The following GPC3 variants were observed in gnomAD, a reference collection of about 807,000 sequenced individuals.
GPC3 encodes glypican-3.
GPC3 carries 3 observed loss-of-function variants against 34.4 expected under a neutral mutation model. The observed-to-expected ratio is 0.09, with a 90% CI of 0.04 to 0.23. The LOEUF (loss-of-function observed/expected upper bound fraction) is 0.23, where lower values mean the gene tolerates loss of function less well. Ranked by LOEUF, GPC3 falls within the 10% of genes least tolerant of loss-of-function variation. The pLI, the probability that GPC3 is intolerant of heterozygous loss-of-function variation, is 1.00. For missense variants in GPC3, 351 were observed against 445.6 expected (o/e 0.79, Z 1.91); for synonymous variants, 177 against 174.0 (o/e 1.02, Z -0.13).
At chrX:133,797,491 C>T (rs953235935) in intron 2 of GPC3, among the ~76,000 whole-genome samples, 1 of 110,905 alleles carries the variant, frequency 9.0e-6, no homozygotes, top group East Asian at 2.8e-4. Context: ...CCCTGAGATT[C>T]CTTAAAGACT....
At chrX:133,699,284 T>C (rs930217884) in intron 4 of GPC3, among the ~76,000 whole-genome samples, 2 of 111,812 alleles carry the variant, frequency 1.8e-5, no homozygotes, top group African/African-American at 6.5e-5. Flanking sequence ...GCACTTCTTC[T>C]AGAATTGTAT....
intron 7 of GPC3, among the ~76,000 whole-genome samples, chrX:133,579,460 T>C (rs1032516964): frequency 7.1e-5 from 8 of 112,960 alleles, no homozygotes; most frequent in African/African-American, 2.6e-4. Flanking sequence ...TGTTGGTAAA[T>C]GCTTGAAGCA....
rs184991163 is a variant in GPC3, at chrX:133,921,686, A to T, written c.337+31364T>A. On this transcript the variant is annotated intron_variant, in intron 2 of 7. Coordinates refer to ENST00000370818, the MANE Select transcript of GPC3 (RefSeq NM_004484.4). ...GTCCAATTCTAGCTTTTGAGCCTTG[A>T]TTTTTTCAACCTTGACTTGAACTTT... Among the ~76,000 whole-genome samples, 550 of 111,961 alleles carry T rather than the reference A, an allele frequency of 4.9e-3. 4 individuals carry two copies. Among genetic ancestry groups the T allele is most frequent in the African/African-American group, 0.017 (521 of 30,846 alleles).
At chrX:133,953,378 C>A (rs1326205250) in intron 1 of GPC3, among the ~76,000 whole-genome samples, 167 bp from the exon 2 acceptor site, 2 of 108,688 alleles carry the variant, frequency 1.8e-5, no homozygotes, top group Middle Eastern at 4.6e-3. Flanking sequence ...AATTACGTTT[C>A]ATCTTAACTA....
intron 2 of GPC3, among the ~76,000 whole-genome samples, chrX:133,946,285 G>A (rs2124631181): frequency 8.9e-6 from 1 of 111,861 alleles, no homozygotes; most frequent in African/African-American, 3.3e-5. Flanking sequence ...CTATGGAGCT[G>A]TACTTCCTGC....
rs548706479 is a variant in GPC3, at chrX:133,645,454, A to G, written c.1413+16276T>C. 4.9e-4 allele frequency among the ~76,000 whole-genome samples: 55 copies of G among 112,223 alleles called. No individual in the cohort carries two copies. In the South Asian group the frequency reaches 0.012, roughly 24 times the overall value. On this transcript the variant is annotated intron_variant, in intron 6 of 7. Transcript: ENST00000370818. ...CCTGAATTGAACACTCTGGCGAGAA[A>G]CCAACTTTCTCAGGAAGAAGGAGAT...
At chrX:133,768,635 G>A (rs1232893105) in intron 2 of GPC3, among the ~76,000 whole-genome samples, 2 of 111,848 alleles carry the variant, frequency 1.8e-5, no homozygotes, top group Admixed American at 9.5e-5. Flanking sequence ...CTTGACAGAT[G>A]AATGGACAAA....
chrX:133,846,766 T>G (rs927953356), intron 2 of GPC3, among the ~76,000 whole-genome samples: 1 of 112,160 alleles, frequency 8.9e-6, no homozygotes, highest in Non-Finnish European at 1.9e-5. Flanking sequence ...AATAAATGCA[T>G]ACTATATTGT....
At chrX:133,913,701 C>A (rs915511645) in intron 2 of GPC3, among the ~76,000 whole-genome samples, 4 of 111,590 alleles carry the variant, frequency 3.6e-5, no homozygotes, top group Non-Finnish European at 7.5e-5. Context: ...GGGAGGCCAA[C>A]CTTGGTTGTT....
chrX:133,737,424 T>C (rs777635215), intron 3 of GPC3, among the ~76,000 whole-genome samples: 6 of 112,123 alleles, frequency 5.4e-5, no homozygotes, highest in Non-Finnish European at 1.1e-4. Flanking sequence ...GTGAGGGATA[T>C]TGCTAGTGAG....
rs1354288303 is a variant in GPC3 at position 133,808,724 on chromosome X, A to G, written c.338-54548T>C. On this transcript the variant is annotated intron_variant, in intron 2 of 7. Transcript: ENST00000370818. ...GAGAATTAAATGAGATAATGTATTTAAAGTGCCCAGGACATGAGTATTTAA... is the reference window on the plus strand; with the variant it reads ...GAGAATTAAATGAGATAATGTATTTGAAGTGCCCAGGACATGAGTATTTAA... Among the ~76,000 whole-genome samples, 19 of 106,291 alleles carry G rather than the reference A, an allele frequency of 1.8e-4. No homozygotes were observed. In the Admixed American group the frequency reaches 1.9e-3, roughly 10 times the overall value. 92.3% of individuals were successfully genotyped at this position (106,291 alleles called of 115,157 possible). A position where few individuals can be genotyped will look rare whatever the true frequency, so the allele number is the denominator to read the frequency against.
intron 2 of GPC3, among the ~76,000 whole-genome samples, chrX:133,866,478 T>C (rs1328355109): frequency 8.9e-6 from 1 of 112,073 alleles, no homozygotes; most frequent in Non-Finnish European, 1.9e-5. Context: ...ATAACACTTC[T>C]TTTTATGACT....
At chrX:133,982,565 T>A (rs2076545726) in intron 1 of GPC3, among the ~76,000 whole-genome samples, 1 of 112,174 alleles carries the variant, frequency 8.9e-6, no homozygotes, top group Non-Finnish European at 1.9e-5. Context: ...TGCCATTTAG[T>A]CTCATCCATA....
intron 5 of GPC3, chrX:133,670,894 G>A (rs1453540186): frequency 3.0e-6 from 1 of 332,396 alleles, no homozygotes; most frequent in African/African-American, 2.6e-5. Context: ...GAAACAATTA[G>A]CTTCTTCTTT....
chrX:133,678,507 T>C (rs752829259), intron 5 of GPC3, among the ~76,000 whole-genome samples: 12 of 111,787 alleles, frequency 1.1e-4, no homozygotes, highest in South Asian at 3.8e-4. Flanking sequence ...TAGGTACCAA[T>C]AGGTAACCAA....
At chrX:133,954,944 T>TG (rs1367791479) in intron 1 of GPC3, among the ~76,000 whole-genome samples, 1 of 109,645 alleles carries the variant, frequency 9.1e-6, no homozygotes, top group Non-Finnish European at 1.9e-5. Context: ...AGATGGGGTT[T>TG]CGCCATGTTG....
At chrX:133,861,558 A>G (rs1167252245) in intron 2 of GPC3, among the ~76,000 whole-genome samples, 5 of 111,615 alleles carry the variant, frequency 4.5e-5, no homozygotes, top group Non-Finnish European at 7.5e-5. Flanking sequence ...AATTTCATAC[A>G]GGAAGTTTTT....
chrX:133,672,594 A>AT (rs1431422405), intron 5 of GPC3, among the ~76,000 whole-genome samples: 1 of 112,326 alleles, frequency 8.9e-6, no homozygotes, highest in African/African-American at 3.2e-5. Flanking sequence ...AGGACCAGAC[A>AT]TTTTCTTGTC....
chrX:133,581,468 ATATT>A (rs2069730281), intron 7 of GPC3, among the ~76,000 whole-genome samples: 1 of 112,487 alleles, frequency 8.9e-6, no homozygotes, highest in African/African-American at 3.2e-5. Flanking sequence ...GAGCTGGTAA[ATATT>A]TAACAACTGG....
Sources: allele counts gnomAD v4.1 joint callset (sites outside exome capture counted in the v4.1 genomes callset), GRCh38; gene constraint gnomAD v4.1.1; transcripts MANE v1.5; gene names NCBI Gene and HGNC (gene_info 2026-07-23, HGNC 2026-07-21).